The following CEP128 variants were observed in gnomAD, a reference collection of about 807,000 sequenced individuals.
CEP128 encodes centrosomal protein 128kDa.
Under a neutral mutation model 156.7 loss-of-function variants are expected in CEP128, and 132 were observed. The ratio of observed to expected loss-of-function variants is 0.84; its 90% CI spans 0.73 to 0.97. The LOEUF (loss-of-function observed/expected upper bound fraction) is 0.97, where lower values mean the gene tolerates loss of function less well. Ranked by LOEUF, CEP128 falls within the 50% of genes least tolerant of loss-of-function variation. The pLI is 0.00. For synonymous variants in CEP128, 469 were observed against 448.9 expected, an observed-to-expected ratio of 1.04 and a Z score of -0.57; for missense variants, 1,252 against 1,281.9, an observed-to-expected ratio of 0.98 and a Z score of 0.36.
At chr14:80,493,918 T>A (rs1441562850), downstream of CEP128, among the ~76,000 whole-genome samples, 1 of 152,236 alleles carries the variant, frequency 6.6e-6, no homozygotes, top group East Asian at 1.9e-4. Flanking sequence ...TTTACTTTGT[T>A]ACTAATCAAA....
chr14:80,836,134 A>C, intron 12 of CEP128, 71 bp downstream of exon 12: 1 of 1,406,386 alleles, frequency 7.1e-7, no homozygotes, highest in East Asian at 2.3e-5. Context: ...GAGGATGAAA[A>C]GTATTTTCTA....
At chr14:80,759,691 C>T (rs1899854546) in intron 17 of CEP128, among the ~76,000 whole-genome samples, 1 of 152,060 alleles carries the variant, frequency 6.6e-6, no homozygotes, top group African/African-American at 2.4e-5. Flanking sequence ...TAGTCTTTCT[C>T]TAGGGGAAGA....
At chr14:80,658,033 G>A (rs1280917564) in intron 19 of CEP128, among the ~76,000 whole-genome samples, 3 of 152,000 alleles carry the variant, frequency 2.0e-5, no homozygotes, top group Admixed American at 6.6e-5. Context: ...AGTAACAGGA[G>A]ACCTGTGTTA....
intron 21 of CEP128, among the ~76,000 whole-genome samples, chr14:80,540,327 C>G (rs1889697185): frequency 6.6e-6 from 1 of 152,026 alleles, no homozygotes; most frequent in South Asian, 2.1e-4. Context: ...TACTGTCTCT[C>G]TTTATTTCTC....
At chr14:80,488,634 G>T (rs1262566747), downstream of CEP128, among the ~76,000 whole-genome samples, 2 of 152,014 alleles carry the variant, frequency 1.3e-5, no homozygotes, top group Non-Finnish European at 2.9e-5. Context: ...CCATTACTGG[G>T]TATATACCCA....
At chr14:80,684,651 C>T (rs1411982769) in intron 19 of CEP128, among the ~76,000 whole-genome samples, 1 of 149,408 alleles carries the variant, frequency 6.7e-6, no homozygotes, top group Admixed American at 6.7e-5. Flanking sequence ...CAACAAAAAA[C>T]ATAACTGCAA....
intron 21 of CEP128, among the ~76,000 whole-genome samples, chr14:80,536,189 G>GA (rs1272640055): frequency 6.6e-6 from 1 of 152,068 alleles, no homozygotes; most frequent in Non-Finnish European, 1.5e-5. Flanking sequence ...TAAAAGGGGG[G>GA]AATGCATTGC....
intron 2 of CEP128, among the ~76,000 whole-genome samples, chr14:80,918,538 T>C (rs1405694037): frequency 6.6e-6 from 1 of 152,182 alleles, no homozygotes; most frequent in Non-Finnish European, 1.5e-5. Flanking sequence ...TTAAATAATA[T>C]CCAACTCCAT....
intron 23 of CEP128, among the ~76,000 whole-genome samples, chr14:80,520,172 A>C (rs770311811): frequency 4.6e-5 from 7 of 152,220 alleles, no homozygotes; most frequent in Non-Finnish European, 1.0e-4. Context: ...TAATCCCAGC[A>C]CTTTGAGAGG....
At chr14:80,909,590 T>C (rs564924649) in intron 4 of CEP128, among the ~76,000 whole-genome samples, 35 of 152,274 alleles carry the variant, frequency 2.3e-4, no homozygotes, top group Middle Eastern at 3.4e-3. Flanking sequence ...AAAATAAAAT[T>C]ACGTTATGTA....
chr14:80,478,770 G>T (rs954355463), intron 14 of CEP128, among the ~76,000 whole-genome samples: 15 of 152,180 alleles, frequency 9.9e-5, no homozygotes, highest in Admixed American at 5.9e-4. Context: ...TGATACATAG[G>T]TAGATTTGAA....
At chr14:80,831,382 T>C (rs1381968045) in intron 12 of CEP128, 88 bp from the exon 13 acceptor site, 13 of 1,325,474 alleles carry the variant, frequency 9.8e-6, no homozygotes, top group Non-Finnish European at 1.4e-5. Flanking sequence ...GATGTTTCAA[T>C]ATTCTAGCTA....
chr14:80,738,472 A>G (rs958141487), intron 19 of CEP128, among the ~76,000 whole-genome samples: 2 of 152,202 alleles, frequency 1.3e-5, no homozygotes, highest in African/African-American at 4.8e-5. Context: ...AAAATCTATC[A>G]CATTAGATTA....
At chr14:80,654,284 G>A (rs890304907) in intron 19 of CEP128, among the ~76,000 whole-genome samples, 3 of 152,032 alleles carry the variant, frequency 2.0e-5, no homozygotes, top group Non-Finnish European at 4.4e-5. Context: ...AATACAGTCA[G>A]GAAAAAATGG....
intron 10 of CEP128, among the ~76,000 whole-genome samples, chr14:80,839,801 A>G (rs1665533766): frequency 6.6e-6 from 1 of 152,162 alleles, no homozygotes; most frequent in African/African-American, 2.4e-5. Context: ...AAAGTAAAGT[A>G]TAAGTGGGGA....
intron 2 of CEP128, among the ~76,000 whole-genome samples, chr14:80,934,757 C>A (rs1885687218): frequency 6.6e-6 from 1 of 152,122 alleles, no homozygotes; most frequent in South Asian, 2.1e-4. Context: ...TTAAAGCAAC[C>A]TTCTAAATAA....
At chr14:80,679,178 G>A (rs1172790294) in intron 19 of CEP128, among the ~76,000 whole-genome samples, 1 of 152,110 alleles carries the variant, frequency 6.6e-6, no homozygotes, top group African/African-American at 2.4e-5. Context: ...GAACATGTGT[G>A]TTTGAACAAT....
At chr14:80,589,598 G>A (rs918526022) in intron 19 of CEP128, among the ~76,000 whole-genome samples, 11 of 152,128 alleles carry the variant, frequency 7.2e-5, no homozygotes, top group East Asian at 1.9e-4. Flanking sequence ...GCACACCTGC[G>A]TTTAGCTCCT....
rs528258138 is a variant in CEP128, at chr14:80,514,007, G to C, written c.3073-8987C>G. Among the ~76,000 whole-genome samples, 4 of 152,110 alleles carry C rather than the reference G, an allele frequency of 2.6e-5. No individual in the cohort carries two copies. In the East Asian group the frequency reaches 7.7e-4, roughly 29 times the overall value. On this transcript the variant is annotated intron_variant, in intron 23 of 24. Coordinates refer to ENST00000555265, the MANE Select transcript of CEP128 (RefSeq NM_152446.5). ...ATACTTGTCATCTATTGTCTCTAAG[G>C]GCAGCCACTATAAGACTTCAAAAAG...
Sources: allele counts gnomAD v4.1 joint callset (sites outside exome capture counted in the v4.1 genomes callset), GRCh38; gene constraint gnomAD v4.1.1; transcripts MANE v1.5; gene names NCBI Gene and HGNC (gene_info 2026-07-23, HGNC 2026-07-21).